Variants in DNAAF11 observed in about 807,000 individuals in gnomAD.
DNAAF11 encodes the protein leucine rich repeat containing 6.
DNAAF11 carries 45 observed loss-of-function variants against 60.8 expected under a neutral mutation model. The ratio of observed to expected loss-of-function variants is 0.74; its 90% confidence interval spans 0.58 to 0.95. The LOEUF (loss-of-function observed/expected upper bound fraction) is 0.95, where lower values mean the gene tolerates loss of function less well. DNAAF11 is among the 40% of genes least tolerant of loss of function. The pLI is 0.00. For missense variants in DNAAF11, 546 were observed against 546.2 expected (o/e 1.00, Z 0.00); for synonymous variants, 191 against 183.5 (o/e 1.04, Z -0.33).
Position 132,572,262 on chromosome 8 carries a change from C to T in DNAAF11, c.*44G>A. On this transcript the variant is annotated 3_prime_UTR_variant, in exon 12 of 12. Transcript: ENST00000620350. ...CATATGGTCTCTACACCAACCAAAA[C>T]TGGACCTGGTGGGTCTCAGCCAATG... The T allele has an allele frequency of 1.3e-6, 2 of 1,576,742 alleles. No individual in the cohort carries two copies. The highest frequency in any genetic ancestry group is 4.5e-5 in the East Asian group (2 of 44,522).
chr8:132,572,544 C>A, intron 11 of DNAAF11, 64 bp from the exon 12 acceptor site: 2 of 1,213,630 alleles, frequency 1.6e-6, no homozygotes, highest in African/African-American at 1.5e-5. Context: ...CAAACAGATT[C>A]AACTCACCCA....
At chr8:132,605,309 T>C (rs747490732) in intron 10 of DNAAF11, among the ~76,000 whole-genome samples, 6 of 152,206 alleles carry the variant, frequency 3.9e-5, no homozygotes, top group Non-Finnish European at 4.4e-5. Context: ...CCACTGCCTC[T>C]AAATCCATGG....
intron 2 of DNAAF11, among the ~76,000 whole-genome samples, chr8:132,659,453 A>AATACC (rs1475923238): frequency 1.3e-5 from 2 of 152,186 alleles, no homozygotes; most frequent in African/African-American, 4.8e-5. Context: ...AAAGGACCGA[A>AATACC]ATACCATGCT....
At chr8:132,584,191 C>T (rs1815640764) in intron 10 of DNAAF11, among the ~76,000 whole-genome samples, 1 of 152,144 alleles carries the variant, frequency 6.6e-6, no homozygotes, top group Non-Finnish European at 1.5e-5. Flanking sequence ...ATTCTCCCGG[C>T]TCACTGCGCC....
chr8:132,583,812 G>T, intron 10 of DNAAF11, 33 bp from the exon 11 acceptor site: 1 of 1,378,858 alleles, frequency 7.3e-7, no homozygotes, highest in Non-Finnish European at 1.0e-6. Context: ...ACCAAGTGGT[G>T]CATTACTCCT....
chr8:132,586,719 G>C (rs974207573), intron 10 of DNAAF11, among the ~76,000 whole-genome samples: 4 of 152,084 alleles, frequency 2.6e-5, no homozygotes, highest in Non-Finnish European at 5.9e-5. Context: ...TGCCTGATTT[G>C]GCCAATTGAA....
At chr8:132,590,160 C>T (rs1816314181) in intron 10 of DNAAF11, among the ~76,000 whole-genome samples, 1 of 152,196 alleles carries the variant, frequency 6.6e-6, no homozygotes, top group Non-Finnish European at 1.5e-5. Flanking sequence ...CCCTGCTGGC[C>T]TTCCATGTTA....
chr8:132,574,982 T>G (rs1814590052), intron 11 of DNAAF11, among the ~76,000 whole-genome samples: 1 of 152,160 alleles, frequency 6.6e-6, no homozygotes, highest in African/African-American at 2.4e-5. Flanking sequence ...TAAGCTTATA[T>G]CCATCAAAAC....
At chr8:132,583,896 T>G in intron 10 of DNAAF11, 117 bp from the exon 11 acceptor site, 1 of 699,062 alleles carries the variant, frequency 1.4e-6, no homozygotes. Context: ...CTCTACATAT[T>G]CCATGAAAGA....
At chr8:132,654,505 G>A (rs916381063) in intron 3 of DNAAF11, among the ~76,000 whole-genome samples, 2 of 151,924 alleles carry the variant, frequency 1.3e-5, no homozygotes, top group Non-Finnish European at 2.9e-5. Context: ...CAGCCTCTAG[G>A]ACAGAACAAA....
intron 9 of DNAAF11, 54 bp downstream of exon 9, chr8:132,611,240 C>T (rs1043904590): frequency 1.6e-6 from 2 of 1,261,290 alleles, no homozygotes; most frequent in South Asian, 1.2e-5. Flanking sequence ...GGCACCACAG[C>T]TTAGTTCAAA....
intron 3 of DNAAF11, among the ~76,000 whole-genome samples, chr8:132,655,371 G>A (rs896182477): frequency 2.6e-5 from 4 of 151,926 alleles, no homozygotes; most frequent in Middle Eastern, 3.4e-3. Context: ...GAAAAAAATC[G>A]AATAAGAAGC....
At chr8:132,650,593 A>G (rs972272291) in intron 3 of DNAAF11, among the ~76,000 whole-genome samples, 1 of 152,238 alleles carries the variant, frequency 6.6e-6, no homozygotes, top group African/African-American at 2.4e-5. Flanking sequence ...ATGTAGGCTC[A>G]GGCACTATAT....
At chr8:132,635,266 G>A (rs527305904) in intron 4 of DNAAF11, among the ~76,000 whole-genome samples, 34 of 152,224 alleles carry the variant, frequency 2.2e-4, no homozygotes, top group Admixed American at 2.1e-3. Flanking sequence ...CTTCACCCAG[G>A]ATTCCTGCAG....
intron 3 of DNAAF11, among the ~76,000 whole-genome samples, chr8:132,653,267 G>A (rs1454872006): frequency 6.6e-6 from 1 of 152,084 alleles, no homozygotes; most frequent in Non-Finnish European, 1.5e-5. Flanking sequence ...AAATGTAGTT[G>A]TCAACGAATA....
chr8:132,645,638 A>T (rs1822304206), intron 3 of DNAAF11, among the ~76,000 whole-genome samples: 1 of 152,206 alleles, frequency 6.6e-6, no homozygotes, highest in Non-Finnish European at 1.5e-5. Context: ...AGCGTAGAGA[A>T]GACCTTAAAT....
the DNAAF11 span, among the ~76,000 whole-genome samples, chr8:132,700,107 C>A: frequency 6.6e-6 from 1 of 152,012 alleles, no homozygotes; most frequent in Non-Finnish European, 1.5e-5. Context: ...AAATGTTATG[C>A]CATATGAATT....
chr8:132,621,287 C>T (rs1414439472), intron 7 of DNAAF11, among the ~76,000 whole-genome samples: 1 of 152,118 alleles, frequency 6.6e-6, no homozygotes, highest in Non-Finnish European at 1.5e-5. Flanking sequence ...CTTTGCTGTC[C>T]AAGCTCAAGC....
intron 10 of DNAAF11, among the ~76,000 whole-genome samples, chr8:132,595,926 T>A (rs1168805404): frequency 6.6e-6 from 1 of 152,032 alleles, no homozygotes; most frequent in African/African-American, 2.4e-5. Flanking sequence ...GGAGGTGGTG[T>A]TAAGAAACTG....
Sources: gnomAD v4.1 joint callset for allele counts (sites outside exome capture counted in the v4.1 genomes callset) on GRCh38, gnomAD v4.1.1 for gene constraint, MANE v1.5 for transcripts, NCBI Gene and HGNC (gene_info 2026-07-23, HGNC 2026-07-21) for gene names.